FAR2: variants seen among roughly 807,000 people sequenced by gnomAD.
FAR2 encodes the protein epididymis secretory protein Li 81.
In FAR2, 19 loss-of-function variants were observed where a neutral mutation model predicts 56.0. The observed-to-expected ratio is 0.34, with a 90% CI of 0.24 to 0.50. FAR2 has a LOEUF of 0.50. Among genes scored for constraint, FAR2 ranks in the 20% least tolerant of loss-of-function variants. The probability of loss-of-function intolerance (pLI) is 0.98; values close to 1 mark genes in which losing one functional copy is unlikely to be tolerated. For missense variants in FAR2, 508 were observed against 642.2 expected (o/e 0.79, Z 2.26); for synonymous variants, 219 against 218.8 (o/e 1.00, Z -0.01).
At chr12:29,173,081 T>C (rs1410613072) in intron 1 of FAR2, among the ~76,000 whole-genome samples, 1 of 152,250 alleles carries the variant, frequency 6.6e-6, no homozygotes, top group Non-Finnish European at 1.5e-5. Flanking sequence ...GTAGCATGAC[T>C]TCTCTCCAAG....
At chr12:29,256,498 C>CG in intron 1 of FAR2, among the ~76,000 whole-genome samples, 1 of 152,350 alleles carries the variant, frequency 6.6e-6, no homozygotes, top group Admixed American at 6.5e-5. Context: ...TCACAGCCCT[C>CG]GCTCACTCTC....
chr12:29,156,637 A>T lies in FAR2; in HGVS notation c.-39+7230A>T, dbSNP rs536499050. ...CCTCTGATTTTTATTTCAATAATGA[A>T]GCCAATCTTTTTTTATTATTAATGC... On this transcript the variant is annotated intron_variant, in intron 1 of 11. Transcript: ENST00000536681. The T allele has an allele frequency of 8.3e-4, 127 of 152,288 alleles. 1 individual carries two copies. Among genetic ancestry groups the T allele is most frequent in the African/African-American group, 2.9e-3 (120 of 41,558 alleles). The allele number at this position is 152,288 out of a possible 1,614,324, so 9.4% of individuals were successfully genotyped here.
chr12:29,156,204 T>G (rs1017334668), intron 1 of FAR2, among the ~76,000 whole-genome samples: 9 of 152,208 alleles, frequency 5.9e-5, no homozygotes, highest in Non-Finnish European at 1.2e-4. Flanking sequence ...CTATAGTCAA[T>G]GATAATGTAC....
At chr12:29,225,446 A>G (rs1339147369) in intron 1 of FAR2, among the ~76,000 whole-genome samples, 1 of 152,108 alleles carries the variant, frequency 6.6e-6, no homozygotes, top group African/African-American at 2.4e-5. Context: ...TGTTGTTACT[A>G]TTACTATATT....
At chr12:29,163,423 C>T (rs1591824878) in intron 1 of FAR2, among the ~76,000 whole-genome samples, 2 of 152,228 alleles carry the variant, frequency 1.3e-5, no homozygotes, top group South Asian at 4.1e-4. Flanking sequence ...GTATTATCCA[C>T]AGCATTTGTC....
intron 10 of FAR2, among the ~76,000 whole-genome samples, chr12:29,330,056 CTTTTTTTTT>C (rs10693997): frequency 7.9e-6 from 1 of 127,064 alleles, no homozygotes; most frequent in Non-Finnish European, 1.6e-5. Context: ...ACATTTATGA[CTTTTTTTTT>C]TTTTTTTTTG....
chr12:29,225,235 C>CAATA (rs1187612951), intron 1 of FAR2, among the ~76,000 whole-genome samples: 2 of 151,796 alleles, frequency 1.3e-5, no homozygotes, highest in South Asian at 2.1e-4. Flanking sequence ...GACCCTGTCT[C>CAATA]AATAAATAAA....
At chr12:29,273,888 G>A (rs1948661047) in intron 2 of FAR2, among the ~76,000 whole-genome samples, 2 of 152,000 alleles carry the variant, frequency 1.3e-5, no homozygotes, top group South Asian at 4.2e-4. Context: ...CTGGGGAGAG[G>A]GGACTCCCCT....
At position 29,334,900 on chromosome 12, in the gene FAR2, T is replaced by C. The variant is rs1949775815; in HGVS notation, c.*1106T>C. The stretch of plus-strand genomic sequence containing the variant: ...AATAGGTTTTGTTTTCTTAAAAAAT[T>C]TTGTGTATAATACAAACTAATGAAA... On this transcript the variant is annotated 3_prime_UTR_variant, in exon 12 of 12. Transcript: ENST00000536681. 1 of 152,148 alleles carries C rather than the reference T, an allele frequency of 6.6e-6. No individual in the cohort carries two copies. The highest frequency in any genetic ancestry group is 1.5e-5 in the Non-Finnish European group (1 of 68,004). The allele number at this position is 152,148 out of a possible 1,614,324, so 9.4% of individuals were successfully genotyped here.
chr12:29,248,433 A>G lies in FAR2; in HGVS notation c.-38-21979A>G, dbSNP rs146428737. ...AAGCCACAAAAACCAGCAAGTTTTTATTAGGGATTTTCAAAAGGGGAGGGA... is the reference window on the plus strand; with the variant it reads ...AAGCCACAAAAACCAGCAAGTTTTTGTTAGGGATTTTCAAAAGGGGAGGGA... On this transcript the variant is annotated intron_variant, in intron 1 of 11. Coordinates refer to ENST00000536681, the MANE Select transcript of FAR2 (RefSeq NM_001271783.2). 5.0e-3 allele frequency among the ~76,000 whole-genome samples: 763 copies of G among 152,282 alleles called. 26 individuals carry two copies. In the East Asian group the frequency reaches 0.071, roughly 14 times the overall value.
At chr12:29,196,027 T>C (rs1356323819) in intron 1 of FAR2, among the ~76,000 whole-genome samples, 2 of 152,168 alleles carry the variant, frequency 1.3e-5, no homozygotes, top group African/African-American at 4.8e-5. Flanking sequence ...GCAAAAGACA[T>C]GATTTCATTT....
intron 1 of FAR2, among the ~76,000 whole-genome samples, chr12:29,253,636 C>G (rs1227409537): frequency 6.6e-6 from 1 of 152,094 alleles, no homozygotes; most frequent in South Asian, 2.1e-4. Context: ...ATCAACCAAT[C>G]TTTTATTTGT....
chr12:29,197,243 T>G (rs1206247188), intron 1 of FAR2, among the ~76,000 whole-genome samples: 1 of 152,236 alleles, frequency 6.6e-6, no homozygotes, highest in African/African-American at 2.4e-5. Flanking sequence ...TTCTCATTAT[T>G]GACTGGCTAT....
At chr12:29,292,466 C>A (rs1445558289) in intron 2 of FAR2, 1 of 152,118 alleles carries the variant, frequency 6.6e-6, no homozygotes, top group East Asian at 1.9e-4. Context: ...GTTTGTTGTA[C>A]AATTAACATT....
intron 1 of FAR2, among the ~76,000 whole-genome samples, chr12:29,258,682 G>C (rs147133722): frequency 6.6e-6 from 1 of 152,298 alleles, no homozygotes; most frequent in Non-Finnish European, 1.5e-5. Flanking sequence ...ATCTGAAAAT[G>C]AAATTGACTT....
chr12:29,167,768 T>C (rs1198764001), intron 1 of FAR2, among the ~76,000 whole-genome samples: 1 of 152,240 alleles, frequency 6.6e-6, no homozygotes, highest in Non-Finnish European at 1.5e-5. Context: ...CTTTATTTAG[T>C]CACTTCTATG....
rs553677776 is a variant in FAR2 at position 29,331,196 on chromosome 12, C to A, written c.1258-1404C>A. Among the ~76,000 whole-genome samples, 14 of 146,868 alleles carry A rather than the reference C, an allele frequency of 9.5e-5. No individual in the cohort carries two copies. In the South Asian group the frequency reaches 2.9e-3, roughly 30 times the overall value. Reference sequence around the variant, plus strand: ...TTTCTTTCACTGTACGTGAAACTCTCCACTAAAGATAGGCTTTTTTTTTTT... The same window carrying A: ...TTTCTTTCACTGTACGTGAAACTCTACACTAAAGATAGGCTTTTTTTTTTT... On this transcript the variant is annotated intron_variant, in intron 10 of 11. Coordinates refer to ENST00000536681, the MANE Select transcript of FAR2 (RefSeq NM_001271783.2).
At chr12:29,167,229 G>A (rs1481899929) in intron 1 of FAR2, among the ~76,000 whole-genome samples, 1 of 152,226 alleles carries the variant, frequency 6.6e-6, no homozygotes, top group East Asian at 1.9e-4. Context: ...ATCTGAAGGA[G>A]TTGTTATAAA....
chr12:29,266,813 C>G (rs1948524643), intron 1 of FAR2, among the ~76,000 whole-genome samples: 1 of 151,966 alleles, frequency 6.6e-6, no homozygotes, highest in Admixed American at 6.6e-5. Flanking sequence ...ACTACAGGCT[C>G]ATTGATATAT....
Sources: gnomAD v4.1 joint callset for allele counts (sites outside exome capture counted in the v4.1 genomes callset) on GRCh38, gnomAD v4.1.1 for gene constraint, MANE v1.5 for transcripts, NCBI Gene and HGNC (gene_info 2026-07-23, HGNC 2026-07-21) for gene names.